MAP2: variants seen among roughly 807,000 people sequenced by gnomAD.
MAP2 encodes the protein microtubule associated protein 2, also known as microtubule-associated protein 2.
Under a neutral mutation model 137.6 loss-of-function variants are expected in MAP2, and 14 were observed. That is an observed-to-expected ratio of 0.10 (90% CI 0.07 to 0.16). The LOEUF (loss-of-function observed/expected upper bound fraction) is 0.16, where lower values mean the gene tolerates loss of function less well. Among genes scored for constraint, MAP2 ranks in the 10% least tolerant of loss-of-function variants. The pLI is 1.00. For synonymous variants in MAP2, 786 were observed against 782.3 expected, an observed-to-expected ratio of 1.00 and a Z score of -0.08; for missense variants, 2,088 against 2,191.5, an observed-to-expected ratio of 0.95 and a Z score of 0.94.
At chr2:209,494,638 C>T (rs913963423) in intron 1 of MAP2, among the ~76,000 whole-genome samples, 1 of 152,134 alleles carries the variant, frequency 6.6e-6, no homozygotes, top group Non-Finnish European at 1.5e-5. Flanking sequence ...AATAATCATA[C>T]AAATGGACAA....
At chr2:209,437,127 T>C (rs1246389176) in intron 1 of MAP2, among the ~76,000 whole-genome samples, 1 of 151,700 alleles carries the variant, frequency 6.6e-6, no homozygotes, top group African/African-American at 2.4e-5. Context: ...TAAATTATAA[T>C]GTGTGTGTGA....
chr2:209,698,554 A>C (rs989837854), intron 10 of MAP2, among the ~76,000 whole-genome samples: 5 of 152,190 alleles, frequency 3.3e-5, no homozygotes, highest in African/African-American at 1.2e-4. Context: ...GCCATTGAAA[A>C]TTCCAAGTAT....
intron 1 of MAP2, among the ~76,000 whole-genome samples, chr2:209,435,956 C>CCGT (rs1695905549): frequency 4.3e-5 from 6 of 138,222 alleles, no homozygotes; most frequent in African/African-American, 7.9e-5. Context: ...ACTATATATA[C>CCGT]AGTATATATT....
In MAP2 at chr2:209,694,909, A is replaced by C. The variant is rs753475443; in HGVS notation, c.2739A>C (p.Ser913=). ...KVRRDLATDL[S]LIEVKLAAAG... ...GAAGAGATTTGGCCACAGACCTTTC[A>C]CTGATTGAAGTGAAACTGGCAGCAG... is the stretch of plus-strand genomic sequence containing the variant. The change falls in exon 8 of 16, where the codon TCA becomes TCC. Residue 913 remains serine, a synonymous_variant. Coordinates refer to ENST00000682079, the MANE Select transcript of MAP2 (RefSeq NM_001375505.1). 5.0e-6 allele frequency: 8 copies of C among 1,614,050 alleles called. No homozygotes were observed. In the Admixed American group the frequency reaches 1.2e-4, roughly 24 times the overall value.
chr2:209,458,050 C>A (rs748577720), intron 1 of MAP2, among the ~76,000 whole-genome samples: 12 of 152,112 alleles, frequency 7.9e-5, no homozygotes, highest in Non-Finnish European at 1.5e-4. Context: ...GTGTCCTGAG[C>A]ATTGGGATAA....
chr2:209,729,974 G>A lies in MAP2; in HGVS notation c.5268+12G>A, dbSNP rs889662505. ...GTGGTAATGTCAAGGTAAGAAACAA[G>A]GTTATGAGCCAATCTTGTCTTTTTA... On this transcript the variant is annotated intron_variant, in intron 15 of 15. Coordinates refer to ENST00000682079, the MANE Select transcript of MAP2 (RefSeq NM_001375505.1). The A allele has an allele frequency of 6.5e-7, 1 of 1,534,064 alleles. No individual in the cohort carries two copies. Among genetic ancestry groups the A allele is most frequent in the Non-Finnish European group, 8.9e-7 (1 of 1,123,110 alleles).
intron 1 of MAP2, among the ~76,000 whole-genome samples, chr2:209,435,994 ATACTATATATACAGTATATAT>A (rs1456314904): frequency 2.9e-5 from 2 of 69,296 alleles, no homozygotes; most frequent in African/African-American, 5.3e-4. Flanking sequence ...TATATATTAT[ATACTATATATACAGTATATAT>A]TATATATAAA....
intron 1 of MAP2, among the ~76,000 whole-genome samples, chr2:209,470,063 T>C (rs1705262617): frequency 6.6e-6 from 1 of 152,222 alleles, no homozygotes. Flanking sequence ...TTATTATGGT[T>C]TGCTGCATCA....
intron 1 of MAP2, among the ~76,000 whole-genome samples, chr2:209,460,431 G>C (rs994828222): frequency 6.6e-6 from 1 of 152,112 alleles, no homozygotes; most frequent in Non-Finnish European, 1.5e-5. Context: ...TCACTGCAGT[G>C]CAATAAATTT....
rs1414820361 is a variant in MAP2, at chr2:209,501,769, A to G, written c.-221-5823A>G. Among the ~76,000 whole-genome samples, 4 of 152,098 alleles carry G rather than the reference A, an allele frequency of 2.6e-5. No homozygotes were observed. The East Asian group carries it at 7.7e-4, about 29-fold the overall frequency. ...TCACAATTCTGCACCTATTTGCTCA[A>G]TAACTGGCTTGGTTGGAAAAAAAGG... On this transcript the variant is annotated intron_variant, in intron 1 of 15. Transcript: ENST00000682079.
At chr2:209,563,893 G>T (rs570924953) in intron 2 of MAP2, among the ~76,000 whole-genome samples, 1 of 152,092 alleles carries the variant, frequency 6.6e-6, no homozygotes, top group Non-Finnish European at 1.5e-5. Context: ...AAACTTGCAC[G>T]TACTAGGTGA....
At chr2:209,537,503 T>C (rs902268383) in intron 2 of MAP2, among the ~76,000 whole-genome samples, 2 of 152,330 alleles carry the variant, frequency 1.3e-5, no homozygotes, top group Admixed American at 1.3e-4. Context: ...GAAAGATAAA[T>C]TGTATGATTT....
intron 1 of MAP2, among the ~76,000 whole-genome samples, chr2:209,452,956 T>C (rs796932852): frequency 5.3e-5 from 8 of 152,310 alleles, no homozygotes; most frequent in African/African-American, 1.9e-4. Flanking sequence ...TCTTCTTCAT[T>C]GTAAAAGAAA....
chr2:209,677,284 A>G (rs1353850234), intron 5 of MAP2, among the ~76,000 whole-genome samples: 1 of 152,008 alleles, frequency 6.6e-6, no homozygotes. Context: ...TCTTAGAAAT[A>G]AAATAGTCAT....
intron 1 of MAP2, among the ~76,000 whole-genome samples, chr2:209,436,270 C>T (rs1012204130): frequency 1.8e-4 from 27 of 151,214 alleles, no homozygotes; most frequent in African/African-American, 3.4e-4. Flanking sequence ...TGCATTAAGA[C>T]GTATTAATAT....
chr2:209,681,314 TA>T (rs200488024), intron 7 of MAP2, among the ~76,000 whole-genome samples: 2,719 of 149,420 alleles, frequency 0.018, 29 homozygotes, highest in Admixed American at 0.031. Flanking sequence ...ATAGCAAATT[TA>T]ATAAATATTA....
chr2:209,663,565 G>A lies in MAP2; in HGVS notation c.262+10133G>A, dbSNP rs114319408. On this transcript the variant is annotated intron_variant, in intron 5 of 15. Transcript: ENST00000682079. Reference sequence around the variant, plus strand: ...CTTTTAACAATTTTTGCAAATGCTGGGTGGTTATTAGAACACAGAAATGAG... The same window carrying A: ...CTTTTAACAATTTTTGCAAATGCTGAGTGGTTATTAGAACACAGAAATGAG... 7.8e-3 allele frequency among the ~76,000 whole-genome samples: 1,185 copies of A among 152,226 alleles called. 17 individuals carry two copies. The highest frequency in any genetic ancestry group is 0.027 in the African/African-American group (1,102 of 41,544).
chr2:209,481,688 A>C (rs1708820996), intron 1 of MAP2, among the ~76,000 whole-genome samples: 1 of 152,200 alleles, frequency 6.6e-6, no homozygotes, highest in Non-Finnish European at 1.5e-5. Flanking sequence ...TGAGATATAC[A>C]TGACAACCTC....
intron 1 of MAP2, among the ~76,000 whole-genome samples, chr2:209,496,822 C>T (rs562779238): frequency 2.0e-4 from 30 of 152,104 alleles, no homozygotes; most frequent in Middle Eastern, 3.2e-3. Flanking sequence ...GTGTGTGAGA[C>T]AGGGACTCTG....
Sources: gnomAD v4.1 joint callset for allele counts (sites outside exome capture counted in the v4.1 genomes callset) on GRCh38, gnomAD v4.1.1 for gene constraint, MANE v1.5 for transcripts, NCBI Gene and HGNC (gene_info 2026-07-23, HGNC 2026-07-21) for gene names.